The following BMPR1A variants were observed in gnomAD, a reference collection of about 807,000 sequenced individuals.
The protein encoded by BMPR1A is bone morphogenetic protein receptor type-1A.
In BMPR1A, 7 loss-of-function variants were observed where a neutral mutation model predicts 66.0. The observed-to-expected ratio is 0.11, with a 90% confidence interval of 0.06 to 0.20. BMPR1A has a LOEUF of 0.20. Among genes scored for constraint, BMPR1A ranks in the 10% least tolerant of loss-of-function variants. BMPR1A has a pLI of 1.00. For synonymous variants in BMPR1A, 200 were observed against 229.7 expected (o/e 0.87, Z 1.17); for missense variants, 408 against 669.1 (o/e 0.61, Z 4.31).
At chr10:86,788,788 G>T (rs1385496122) in intron 1 of BMPR1A, among the ~76,000 whole-genome samples, 1 of 151,970 alleles carries the variant, frequency 6.6e-6, no homozygotes, top group African/African-American at 2.4e-5. Flanking sequence ...TGTATTTTTA[G>T]TAGAGATAGG....
At position 86,859,803 on chromosome 10, in the gene BMPR1A, C is replaced by T. The variant is rs1372902123; in HGVS notation, c.-152-16064C>T. Among the ~76,000 whole-genome samples the T allele has an allele frequency of 6.6e-5, 10 of 151,834 alleles. No homozygotes were observed. In the East Asian group the frequency reaches 7.8e-4, roughly 12 times the overall value. On this transcript the variant is annotated intron_variant, in intron 2 of 12. Transcript: ENST00000372037. Reference sequence around the variant, plus strand: ...CCAGCCTGGGCGACAGAGTGAGACTCGTCTCAAAAAACAAAAAGAACTTGC... The same window carrying T: ...CCAGCCTGGGCGACAGAGTGAGACTTGTCTCAAAAAACAAAAAGAACTTGC...
At chr10:86,912,981 A>G (rs1368683848) in intron 8 of BMPR1A, among the ~76,000 whole-genome samples, 1 of 152,172 alleles carries the variant, frequency 6.6e-6, no homozygotes, top group Non-Finnish European at 1.5e-5. Flanking sequence ...GTTCATTTAT[A>G]TATGGAAATA....
At chr10:86,786,311 C>T (rs570320751) in intron 1 of BMPR1A, among the ~76,000 whole-genome samples, 1 of 152,124 alleles carries the variant, frequency 6.6e-6, no homozygotes, top group South Asian at 2.1e-4. Context: ...ATTTCCCACC[C>T]CGACCCCTTT....
intron 9 of BMPR1A, among the ~76,000 whole-genome samples, chr10:86,917,558 G>C (rs1169640956): frequency 6.6e-6 from 1 of 152,198 alleles, no homozygotes; most frequent in Non-Finnish European, 1.5e-5. Flanking sequence ...AATAATACTA[G>C]TTTATTGGAC....
At chr10:86,763,826 C>G (rs1203416596) in intron 1 of BMPR1A, among the ~76,000 whole-genome samples, 1 of 136,794 alleles carries the variant, frequency 7.3e-6, no homozygotes, top group Non-Finnish European at 1.5e-5. Context: ...GAGTCTCGCT[C>G]TGTCGCCCAG....
At chr10:86,794,779 G>T (rs532464038) in intron 1 of BMPR1A, among the ~76,000 whole-genome samples, 2 of 151,092 alleles carry the variant, frequency 1.3e-5, no homozygotes, top group Non-Finnish European at 2.9e-5. Context: ...TCTGTGATTC[G>T]TATAGTCACT....
Position 86,923,618 on chromosome 10 carries a change from A to G in BMPR1A, c.1498A>G (p.Met500Val), listed in dbSNP as rs376651641. ...GTGTCTACGAGCAGTTTTGAAGCTA[A>G]TGTCAGAATGCTGGGCCCACAATCC... ...DECLRAVLKL[M>V]SECWAHNPAS... is the part of the protein sequence containing the mutation. Residue 500 changes from methionine to valine, a missense_variant, in exon 13 of 13, where the codon ATG becomes GTG. Transcript: ENST00000372037. 3.2e-5 allele frequency: 51 copies of G among 1,614,090 alleles called. No homozygotes were observed. Among genetic ancestry groups the G allele is most frequent in the Non-Finnish European group, 4.2e-5 (49 of 1,180,044 alleles).
chr10:86,908,643 G>A (rs1285277846), intron 7 of BMPR1A, among the ~76,000 whole-genome samples: 2 of 152,176 alleles, frequency 1.3e-5, no homozygotes, highest in Non-Finnish European at 2.9e-5. Flanking sequence ...ACCTCTGTGG[G>A]AGTCACTGTC....
chr10:86,801,091 G>C lies in BMPR1A; in HGVS notation c.-267-37774G>C, dbSNP rs1040755578. ...GCAGGACAATGTGTACTAAAATGCT[G>C]AATTCTAGTGAGGCTGACATAAGCT... On this transcript the variant is annotated intron_variant, in intron 1 of 12. Coordinates refer to ENST00000372037, the MANE Select transcript of BMPR1A (RefSeq NM_004329.3). 3.3e-5 allele frequency among the ~76,000 whole-genome samples: 5 copies of C among 152,182 alleles called. 1 individual carries two copies. Among genetic ancestry groups the C allele is most frequent in the African/African-American group, 1.2e-4 (5 of 41,454 alleles).
At chr10:86,912,431 T>A in intron 8 of BMPR1A, 47 bp downstream of exon 8, 9 of 1,602,628 alleles carry the variant, frequency 5.6e-6, no homozygotes, top group Non-Finnish European at 7.7e-6. Context: ...TGATTTAGAA[T>A]GTGTCCTCAT....
chr10:86,891,235 G>A (rs1364054114), intron 4 of BMPR1A, among the ~76,000 whole-genome samples: 1 of 152,118 alleles, frequency 6.6e-6, no homozygotes, highest in Non-Finnish European at 1.5e-5. Flanking sequence ...TTGCCAGCAG[G>A]GAACTGCTCT....
At chr10:86,837,180 TG>T (rs1842360542) in intron 1 of BMPR1A, among the ~76,000 whole-genome samples, 1 of 152,026 alleles carries the variant, frequency 6.6e-6, no homozygotes, top group African/African-American at 2.4e-5. Flanking sequence ...GTAGTTTACA[TG>T]TTAATTTTAT....
intron 9 of BMPR1A, among the ~76,000 whole-genome samples, chr10:86,918,473 C>CT (rs1341774516): frequency 3.9e-5 from 6 of 152,122 alleles, no homozygotes; most frequent in Non-Finnish European, 4.4e-5. Context: ...TAATTAGGAG[C>CT]TAACTCTTAG....
chr10:86,899,958 T>C, intron 6 of BMPR1A, 68 bp downstream of exon 6: 1 of 1,609,262 alleles, frequency 6.2e-7, no homozygotes, highest in Non-Finnish European at 8.5e-7. Flanking sequence ...GTAACCAGGC[T>C]ACCTAGAATT....
intron 7 of BMPR1A, among the ~76,000 whole-genome samples, chr10:86,900,648 A>G (rs1843296266): frequency 6.6e-6 from 1 of 152,240 alleles, no homozygotes; most frequent in African/African-American, 2.4e-5. Flanking sequence ...ACAGCAATTT[A>G]GCATATAATA....
chr10:86,795,489 G>A (rs1371938250), intron 1 of BMPR1A, among the ~76,000 whole-genome samples: 1 of 152,030 alleles, frequency 6.6e-6, no homozygotes, highest in Non-Finnish European at 1.5e-5. Context: ...TGCCATTTTG[G>A]GAGGTTAAAT....
intron 9 of BMPR1A, among the ~76,000 whole-genome samples, chr10:86,918,203 C>T (rs552687440): frequency 6.6e-6 from 1 of 152,178 alleles, no homozygotes; most frequent in Non-Finnish European, 1.5e-5. Context: ...CACGCTAATC[C>T]TGTATGAGTC....
intron 1 of BMPR1A, among the ~76,000 whole-genome samples, chr10:86,819,226 A>G (rs1334239953): frequency 1.3e-5 from 2 of 152,106 alleles, no homozygotes; most frequent in Admixed American, 6.5e-5. Context: ...AGATCTCTGT[A>G]TGTGTGTTAA....
At chr10:86,860,135 G>A (rs891117713) in intron 2 of BMPR1A, among the ~76,000 whole-genome samples, 5 of 152,046 alleles carry the variant, frequency 3.3e-5, no homozygotes, top group African/African-American at 9.7e-5. Context: ...GGACCAGCAT[G>A]GCAAGACCCT....
Sources: allele counts gnomAD v4.1 joint callset (sites outside exome capture counted in the v4.1 genomes callset), GRCh38; gene constraint gnomAD v4.1.1; transcripts MANE v1.5; gene names NCBI Gene and HGNC (gene_info 2026-07-23, HGNC 2026-07-21).